The following BCAS3 variants were observed in gnomAD, a reference collection of about 807,000 sequenced individuals.
The protein encoded by BCAS3 is BCAS4/BCAS3 fusion.
BCAS3 carries 53 observed loss-of-function variants against 116.1 expected under a neutral mutation model. That is an observed-to-expected ratio of 0.46 (90% CI 0.37 to 0.57). The LOEUF (loss-of-function observed/expected upper bound fraction) is 0.57, where lower values mean the gene tolerates loss of function less well. Among genes scored for constraint, BCAS3 ranks in the 20% least tolerant of loss-of-function variants. The pLI is 0.00. For synonymous variants in BCAS3, 391 were observed against 408.2 expected, an observed-to-expected ratio of 0.96 and a Z score of 0.51; for missense variants, 917 against 1,165.4, an observed-to-expected ratio of 0.79 and a Z score of 3.10.
At chr17:60,737,928 A>G (rs2041140323) in intron 5 of BCAS3, among the ~76,000 whole-genome samples, 1 of 152,100 alleles carries the variant, frequency 6.6e-6, no homozygotes, top group South Asian at 2.1e-4. Context: ...CTGGGATTAC[A>G]GGCATGTGCC....
intron 6 of BCAS3, among the ~76,000 whole-genome samples, chr17:60,806,706 C>T (rs1018966233): frequency 1.5e-4 from 23 of 152,008 alleles, no homozygotes; most frequent in African/African-American, 5.3e-4. Context: ...GAGTGTGCCA[C>T]CATACCCAAC....
chr17:60,781,511 A>C (rs1308589420), intron 6 of BCAS3, among the ~76,000 whole-genome samples: 2 of 152,054 alleles, frequency 1.3e-5, no homozygotes, highest in African/African-American at 4.8e-5. Flanking sequence ...AGGCACGAGA[A>C]TCTCTTGAAG....
At chr17:61,025,312 A>G (rs555618691) in intron 16 of BCAS3, among the ~76,000 whole-genome samples, 501 of 152,250 alleles carry the variant, frequency 3.3e-3, no homozygotes, top group Non-Finnish European at 6.0e-3. Flanking sequence ...GTAGAATAAA[A>G]GTGCAATTCT....
rs993134452 is a variant in BCAS3, at chr17:61,205,234, T to C, written c.2425+120670T>C. On this transcript the variant is annotated intron_variant, in intron 22 of 23. Coordinates refer to ENST00000407086, the MANE Select transcript of BCAS3 (RefSeq NM_017679.5). This position sits in a 1 kb window ranked among gnomAD's most constrained non-coding sequence, Gnocchi z 5.2. ...TTCTAGAGCCAGAACAGACAGAATA[T>C]ATCCTAAATTGGATACAGCCAGAGA... Among the ~76,000 whole-genome samples, 1 of 152,232 alleles carries C rather than the reference T, an allele frequency of 6.6e-6. No individual in the cohort carries two copies. The highest frequency in any genetic ancestry group is 2.4e-5 in the African/African-American group (1 of 41,452).
At chr17:60,785,635 G>C (rs963420822) in intron 6 of BCAS3, among the ~76,000 whole-genome samples, 1 of 152,176 alleles carries the variant, frequency 6.6e-6, no homozygotes, top group Non-Finnish European at 1.5e-5. Flanking sequence ...TAAATACTGA[G>C]TTAGGTGTAT....
At chr17:61,351,192 G>A (rs1365071707) in intron 22 of BCAS3, among the ~76,000 whole-genome samples, 4 of 152,226 alleles carry the variant, frequency 2.6e-5, no homozygotes, top group African/African-American at 9.6e-5. Flanking sequence ...ACTTCAGGGT[G>A]AGCTCAGTTT....
At chr17:60,689,001 C>T (rs1008344914) in intron 3 of BCAS3, 4 of 152,256 alleles carry the variant, frequency 2.6e-5, no homozygotes, top group African/African-American at 7.2e-5. Context: ...CAGTAATACT[C>T]ACACCAGTAT....
At chr17:60,735,209 T>C in intron 5 of BCAS3, among the ~76,000 whole-genome samples, 1 of 152,248 alleles carries the variant, frequency 6.6e-6, no homozygotes, top group East Asian at 1.9e-4. Context: ...TCAATTCCAG[T>C]TTTTTGTTGA....
intron 6 of BCAS3, among the ~76,000 whole-genome samples, chr17:60,806,112 G>A (rs2048259246): frequency 6.6e-6 from 1 of 151,860 alleles, no homozygotes; most frequent in Non-Finnish European, 1.5e-5. Context: ...CTGACCTCAG[G>A]TGATCCACCC....
intron 6 of BCAS3, among the ~76,000 whole-genome samples, chr17:60,787,340 T>G (rs2046367057): frequency 6.6e-6 from 1 of 152,204 alleles, no homozygotes; most frequent in Non-Finnish European, 1.5e-5. Flanking sequence ...TGTTTTCTTT[T>G]GTTTCAGAGA....
intron 22 of BCAS3, among the ~76,000 whole-genome samples, chr17:61,270,150 G>GGCTC (rs1231810173): frequency 8.9e-6 from 1 of 112,220 alleles, no homozygotes; most frequent in African/African-American, 3.5e-5. Flanking sequence ...GACGGAGTCT[G>GGCTC]GCTCTGTCAC....
At chr17:60,872,998 T>G (rs765185164) in intron 8 of BCAS3, among the ~76,000 whole-genome samples, 1 of 152,112 alleles carries the variant, frequency 6.6e-6, no homozygotes, top group Non-Finnish European at 1.5e-5. Context: ...GAAATGCCTT[T>G]TCTTCTATCA....
At chr17:60,945,122 A>G (rs564686694) in intron 13 of BCAS3, among the ~76,000 whole-genome samples, 47 of 152,328 alleles carry the variant, frequency 3.1e-4, no homozygotes, top group African/African-American at 1.1e-3. Context: ...CAAGATAAAA[A>G]ATCATCAATT....
At chr17:60,776,718 C>CAAA (rs749033165) in intron 6 of BCAS3, among the ~76,000 whole-genome samples, 4 of 46,534 alleles carry the variant, frequency 8.6e-5, no homozygotes, top group South Asian at 7.5e-4. Context: ...GACTCCGTCT[C>CAAA]AAAAAAAAAA....
At chr17:61,120,670 A>G (rs913054595) in intron 22 of BCAS3, among the ~76,000 whole-genome samples, 1 of 152,130 alleles carries the variant, frequency 6.6e-6, no homozygotes. Context: ...AGATGTCATG[A>G]TACTTCATTT....
intron 14 of BCAS3, among the ~76,000 whole-genome samples, chr17:60,953,448 T>C (rs2060950324): frequency 6.6e-6 from 1 of 152,184 alleles, no homozygotes; most frequent in Non-Finnish European, 1.5e-5. Context: ...TTAAAGTTCT[T>C]ATAGATGGTG....
At chr17:61,218,887 AT>A (rs2081954031) in intron 22 of BCAS3, among the ~76,000 whole-genome samples, 1 of 152,182 alleles carries the variant, frequency 6.6e-6, no homozygotes, top group Admixed American at 6.5e-5. Flanking sequence ...ATCACCCTAC[AT>A]TAAACATAGG....
intron 5 of BCAS3, among the ~76,000 whole-genome samples, chr17:60,723,867 C>T (rs1254704766): frequency 6.6e-6 from 1 of 150,804 alleles, no homozygotes; most frequent in Non-Finnish European, 1.5e-5. Context: ...TACAGGCACC[C>T]GCCACCATGC....
Position 61,084,629 on chromosome 17 carries a change from C to A in BCAS3, c.2425+65C>A. 7.7e-7 allele frequency: 1 copy of A among 1,306,416 alleles called. No homozygotes were observed. The highest frequency in any genetic ancestry group is 1.1e-6 in the Non-Finnish European group (1 of 910,046). The allele number at this position is 1,306,416 out of a possible 1,614,324, so 80.9% of individuals were successfully genotyped here. ...TGCATTTTTAACTAATTTTCTCGCA[C>A]AATGTAGAGGATGACATTTATTTGC... On this transcript the variant is annotated intron_variant, in intron 22 of 23. Coordinates refer to ENST00000407086, the MANE Select transcript of BCAS3 (RefSeq NM_017679.5). The surrounding 1 kb of genome is among the most constrained non-coding windows in gnomAD (Gnocchi z 5.5).
Sources: gnomAD v4.1 joint callset for allele counts (sites outside exome capture counted in the v4.1 genomes callset) on GRCh38, gnomAD v4.1.1 for gene constraint, Gnocchi (gnomAD v3.1) non-coding constraint, MANE v1.5 for transcripts, NCBI Gene and HGNC (gene_info 2026-07-23, HGNC 2026-07-21) for gene names.